SCN9A: variants seen among roughly 807,000 people sequenced by gnomAD.
SCN9A encodes sodium channel protein type 9 subunit alpha.
In SCN9A, 131 loss-of-function variants were observed where a neutral mutation model predicts 187.0. The ratio of observed to expected loss-of-function variants is 0.70; its 90% CI spans 0.61 to 0.81. The LOEUF (loss-of-function observed/expected upper bound fraction) is 0.81. Among genes scored for constraint, SCN9A ranks in the 30% least tolerant of loss-of-function variants. The pLI is 0.00. For synonymous variants in SCN9A, 809 were observed against 808.6 expected (o/e 1.00, Z -0.01); for missense variants, 2,252 against 2,396.6 (o/e 0.94, Z 1.26).
intron 19 of SCN9A, among the ~76,000 whole-genome samples, chr2:166,240,055 G>A (rs1198473685): frequency 9.2e-5 from 14 of 152,090 alleles, no homozygotes; most frequent in Non-Finnish European, 8.8e-5. Context: ...GAAAAGATAT[G>A]GTGACTTTGA....
At position 166,373,329 on chromosome 2, in the gene SCN9A, A is replaced by ATTTTTTT. The variant is rs745531940; in HGVS notation, c.-51+2367_-51+2368insAAAAAAA. ...TTCTTCCTCTTTTTTTTTTTTTTTA[A>ATTTTTTT]ATGCAGTTGTGAGCCAATGTTTGTT... On this transcript the variant is annotated intron_variant, in intron 1 of 26. Transcript: ENST00000642356. Among the ~76,000 whole-genome samples the ATTTTTTT allele has an allele frequency of 4.8e-5, 7 of 145,336 alleles. No individual in the cohort carries two copies. In the South Asian group the frequency reaches 8.8e-4, roughly 18 times the overall value.
At chr2:166,243,014 C>T (rs889171821) in intron 18 of SCN9A, among the ~76,000 whole-genome samples, 5 of 152,024 alleles carry the variant, frequency 3.3e-5, no homozygotes, top group African/African-American at 4.8e-5. Flanking sequence ...TCTTTTCTGA[C>T]AGATAAATTT....
intron 17 of SCN9A, among the ~76,000 whole-genome samples, chr2:166,271,583 G>A (rs1010334816): frequency 8.5e-5 from 13 of 152,200 alleles, no homozygotes; most frequent in Middle Eastern, 6.8e-3. Flanking sequence ...ATGGCCAGGC[G>A]TGGTGGCTCA....
chr2:166,226,744 C>T (rs200165111), intron 23 of SCN9A, 40 bp from the exon 24 acceptor site: 2 of 1,452,446 alleles, frequency 1.4e-6, no homozygotes, highest in Non-Finnish European at 1.8e-6. Flanking sequence ...TGGACAGTAA[C>T]ATTCATTATT....
chr2:166,329,542 C>T (rs548993925), intron 1 of SCN9A, among the ~76,000 whole-genome samples: 38 of 148,584 alleles, frequency 2.6e-4, no homozygotes, highest in African/African-American at 8.7e-4. Flanking sequence ...CTAGTTGTTA[C>T]CCATTTTTGT....
At position 166,226,423 on chromosome 2, in the gene SCN9A, GTATAC is replaced by G. The variant is rs1310271671; in HGVS notation, c.4398+139_4398+143del. 7.6e-5 allele frequency: 46 copies of G among 603,016 alleles called. No homozygotes were observed. The African/African-American group carries it at 7.9e-4, about 10-fold the overall frequency. 37.4% of individuals were successfully genotyped at this position (603,016 alleles called of 1,614,324 possible). On this transcript the variant is annotated intron_variant, in intron 24 of 26. Coordinates refer to ENST00000642356, the MANE Select transcript of SCN9A (RefSeq NM_001365536.1). ...AATAAGATTAAGCATATTTGTAATTGTATACTAGTCAATTATTTGAAAAATAAATG... is the reference window on the plus strand; with the variant it reads ...AATAAGATTAAGCATATTTGTAATTGTAGTCAATTATTTGAAAAATAAATG...
intron 26 of SCN9A, among the ~76,000 whole-genome samples, chr2:166,201,794 T>C (rs1360248181): frequency 2.0e-5 from 3 of 151,508 alleles, no homozygotes; most frequent in African/African-American, 4.8e-5. Flanking sequence ...CAGTATATGA[T>C]AGTGCTCATA....
intron 1 of SCN9A, among the ~76,000 whole-genome samples, chr2:166,370,170 C>G (rs2105328982): frequency 6.7e-6 from 1 of 149,584 alleles, no homozygotes; most frequent in South Asian, 2.1e-4. Flanking sequence ...GATACCACAT[C>G]CAGTGAAATT....
chr2:166,235,027 C>T (rs1695253677), intron 20 of SCN9A, among the ~76,000 whole-genome samples: 1 of 152,176 alleles, frequency 6.6e-6, no homozygotes, highest in African/African-American at 2.4e-5. Context: ...TTGGGACTCT[C>T]TGGTGTGCCC....
intron 1 of SCN9A, among the ~76,000 whole-genome samples, chr2:166,341,023 T>C (rs1374964309): frequency 6.6e-6 from 1 of 152,230 alleles, no homozygotes; most frequent in African/African-American, 2.4e-5. Context: ...TGTATTATTA[T>C]GTGCATTGAT....
intron 7 of SCN9A, chr2:166,301,650 A>T (rs1698559446): frequency 6.6e-6 from 1 of 151,014 alleles, no homozygotes; most frequent in Admixed American, 6.6e-5. Context: ...GAATAAAAGG[A>T]CAGATCCCAG....
chr2:166,212,757 G>A (rs1342069812), intron 24 of SCN9A, among the ~76,000 whole-genome samples: 1 of 152,096 alleles, frequency 6.6e-6, no homozygotes, highest in Non-Finnish European at 1.5e-5. Context: ...TTTGACAACT[G>A]TTAAGAAGTT....
chr2:166,334,856 A>C (rs771649415), intron 1 of SCN9A, among the ~76,000 whole-genome samples: 1 of 152,292 alleles, frequency 6.6e-6, no homozygotes, highest in African/African-American at 2.4e-5. Flanking sequence ...TATGATATAC[A>C]AAGTGGAAGA....
rs201510411 is a variant in SCN9A, at chr2:166,306,619, C to T, written c.378-20G>A. The stretch of plus-strand genomic sequence containing the variant: ...AATAAGGTAGCTTAGAATCAAGGAA[C>T]AAAAGAGACGACAGTGGGAATTTGA... On this transcript the variant is annotated intron_variant, in intron 3 of 26. Coordinates refer to ENST00000642356, the MANE Select transcript of SCN9A (RefSeq NM_001365536.1). 1 of 1,471,458 alleles carries T rather than the reference C, an allele frequency of 6.8e-7. No homozygotes were observed. The allele number at this position is 1,471,458 out of a possible 1,614,324, so 91.2% of individuals were successfully genotyped here.
intron 1 of SCN9A, among the ~76,000 whole-genome samples, chr2:166,350,814 C>T (rs1048528604): frequency 3.9e-5 from 6 of 152,032 alleles, no homozygotes; most frequent in East Asian, 1.9e-4. Context: ...ATTACATCAG[C>T]GGCTTAGTTG....
At chr2:166,278,389 G>T in intron 14 of SCN9A, 76 bp from the exon 15 acceptor site, 1 of 1,216,658 alleles carries the variant, frequency 8.2e-7, no homozygotes, top group Non-Finnish European at 1.1e-6. Flanking sequence ...ATCACTGTTT[G>T]CTTAGCATTT....
intron 1 of SCN9A, among the ~76,000 whole-genome samples, chr2:166,338,226 C>T (rs895878063): frequency 6.6e-6 from 1 of 152,050 alleles, no homozygotes; most frequent in Non-Finnish European, 1.5e-5. Flanking sequence ...TCACATGAAC[C>T]CTTATCAATT....
chr2:166,245,981 C>G (rs1349233253), intron 18 of SCN9A, among the ~76,000 whole-genome samples: 1 of 151,922 alleles, frequency 6.6e-6, no homozygotes, highest in East Asian at 1.9e-4. Context: ...TATTTTCTAG[C>G]ACTTTAATTT....
intron 10 of SCN9A, 32 bp downstream of exon 10, chr2:166,288,403 CCT>C: frequency 6.4e-7 from 1 of 1,556,922 alleles, no homozygotes; most frequent in South Asian, 1.1e-5. Context: ...TGCATTTCTA[CCT>C]CTAGGAAGAA....
Sources: allele counts gnomAD v4.1 joint callset (sites outside exome capture counted in the v4.1 genomes callset), GRCh38; gene constraint gnomAD v4.1.1; transcripts MANE v1.5; gene names NCBI Gene and HGNC (gene_info 2026-07-23, HGNC 2026-07-21).